OR51B5: variants seen among roughly 807,000 people sequenced by gnomAD.
OR51B5 encodes the protein olfactory receptor family 51 subfamily B member 5.
For synonymous variants in OR51B5, 186 were observed against 144.8 expected (o/e 1.28, Z -2.04); for missense variants, 456 against 374.6 (o/e 1.22, Z -1.79).
At position 5,352,873 on chromosome 11, in the gene OR51B5, G is replaced by A. The variant is rs991210831; in HGVS notation, n.85-5963C>T. On this transcript the variant is annotated intron_variant and non_coding_transcript_variant, in intron 1 of 4. Coordinates refer to the OR51B5 transcript ENST00000415970. ...TATAATAGTGTGTGTATGTATCTGT[G>A]TGTGTTTATATATATTATATAAATA... is the stretch of plus-strand genomic sequence containing the variant. 9.0e-4 allele frequency among the ~76,000 whole-genome samples: 102 copies of A among 113,096 alleles called. 1 individual carries two copies. The highest frequency in any genetic ancestry group is 4.9e-3 in the Middle Eastern group (1 of 204). 74.2% of individuals were successfully genotyped at this position (113,096 alleles called of 152,430 possible).
intron 1 of OR51B5, chr11:5,469,466 T>C (rs1259197658): frequency 6.6e-6 from 1 of 152,110 alleles, no homozygotes; most frequent in Non-Finnish European, 1.5e-5. Flanking sequence ...CCTGGGTGAA[T>C]TGAGGTGAGA....
At chr11:5,490,920 A>C (rs1851571951) in intron 1 of OR51B5, among the ~76,000 whole-genome samples, 1 of 152,248 alleles carries the variant, frequency 6.6e-6, no homozygotes, top group African/African-American at 2.4e-5. Context: ...TTTTAAATTT[A>C]TAAAGGTATG....
chr11:5,417,379 G>T (rs746406298), intron 1 of OR51B5, among the ~76,000 whole-genome samples: 10 of 151,986 alleles, frequency 6.6e-5, no homozygotes, highest in East Asian at 1.9e-4. Flanking sequence ...AAGGACTTCA[G>T]GTCTAAAACA....
intron 1 of OR51B5, among the ~76,000 whole-genome samples, chr11:5,447,899 A>G (rs1850792037): frequency 6.6e-6 from 1 of 151,832 alleles, no homozygotes; most frequent in Admixed American, 6.6e-5. Context: ...TCTCCCCTCA[A>G]CCCCCATCTC....
chr11:5,437,301 C>A (rs1399143789), intron 1 of OR51B5, among the ~76,000 whole-genome samples: 1 of 152,162 alleles, frequency 6.6e-6, no homozygotes, highest in Admixed American at 6.5e-5. Context: ...AAACTCAGAT[C>A]TCAGGCAAAA....
At chr11:5,389,297 G>C (rs959186970) in intron 1 of OR51B5, 56 of 1,111,888 alleles carry the variant, frequency 5.0e-5, no homozygotes, top group Middle Eastern at 4.1e-4. Context: ...AATACTAAAG[G>C]TGATGATGAC....
chr11:5,364,487 G>C (rs1456663683), intron 1 of OR51B5, among the ~76,000 whole-genome samples: 1 of 152,226 alleles, frequency 6.6e-6, no homozygotes, highest in Non-Finnish European at 1.5e-5. Flanking sequence ...TCAATGGTCA[G>C]TCTCCTTGCT....
intron 1 of OR51B5, among the ~76,000 whole-genome samples, chr11:5,457,227 G>T (rs1352251827): frequency 6.6e-6 from 1 of 152,168 alleles, no homozygotes. Flanking sequence ...TGTGAAAAGA[G>T]GTGGTTTTGG....
chr11:5,485,515 C>T (rs1323160458), intron 1 of OR51B5, among the ~76,000 whole-genome samples: 1 of 152,150 alleles, frequency 6.6e-6, no homozygotes, highest in Non-Finnish European at 1.5e-5. Context: ...TGTGATTTCT[C>T]CCTTAAGGAT....
At chr11:5,417,836 C>T (rs1387269774) in intron 1 of OR51B5, among the ~76,000 whole-genome samples, 2 of 52,380 alleles carry the variant, frequency 3.8e-5, no homozygotes, top group Non-Finnish European at 1.1e-4. Context: ...GGATTGTAAA[C>T]TAGTTCAACC....
At chr11:5,438,494 T>C (rs1231120850) in intron 1 of OR51B5, among the ~76,000 whole-genome samples, 6 of 152,176 alleles carry the variant, frequency 3.9e-5, no homozygotes, top group Admixed American at 6.5e-5. Flanking sequence ...ATTTAAATAG[T>C]TGTTTGGTTA....
chr11:5,408,207 C>A (rs1379409204), intron 1 of OR51B5, among the ~76,000 whole-genome samples: 1 of 152,098 alleles, frequency 6.6e-6, no homozygotes, highest in African/African-American at 2.4e-5. Flanking sequence ...GATTATTACT[C>A]TTCCTTGCTC....
intron 1 of OR51B5, chr11:5,455,595 GAGAAAA>G (rs1339555676): frequency 8.9e-6 from 1 of 112,606 alleles, no homozygotes; most frequent in African/African-American, 3.1e-5. Flanking sequence ...AAGAGAGAAA[GAGAAAA>G]AGAGAAAGAG....
chr11:5,363,455 ACACTCTCT>A (rs1158767823), intron 1 of OR51B5, among the ~76,000 whole-genome samples: 1 of 125,232 alleles, frequency 8.0e-6, no homozygotes, highest in African/African-American at 3.0e-5. Flanking sequence ...ACATACACAC[ACACTCTCT>A]CTCTCACACA....
chr11:5,439,870 T>C (rs1276444529), intron 1 of OR51B5, among the ~76,000 whole-genome samples: 1 of 152,164 alleles, frequency 6.6e-6, no homozygotes, highest in Admixed American at 6.5e-5. Context: ...AGGACTTATG[T>C]GGGGCCTAAG....
chr11:5,470,385 C>T (rs1851210106), intron 1 of OR51B5, among the ~76,000 whole-genome samples: 1 of 152,166 alleles, frequency 6.6e-6, no homozygotes, highest in Admixed American at 6.6e-5. Context: ...TAATTGCCCC[C>T]TCATTTCTTC....
chr11:5,381,149 C>T (rs954992260), intron 1 of OR51B5, among the ~76,000 whole-genome samples: 12 of 90,692 alleles, frequency 1.3e-4, no homozygotes, highest in Non-Finnish European at 2.5e-4. Flanking sequence ...CTCTGTCGCT[C>T]GCTCGCTGTT....
upstream of OR51B5, among the ~76,000 whole-genome samples, chr11:5,346,723 T>C (rs570719193): frequency 6.8e-6 from 1 of 147,466 alleles, no homozygotes; most frequent in South Asian, 2.2e-4. Context: ...CTGTGGACTA[T>C]TGAGATCCTT....
At position 5,378,576 on chromosome 11, in the gene OR51B5, A is replaced by C. The variant is rs61892010; in HGVS notation, n.85-31666T>G. 5.2e-3 allele frequency among the ~76,000 whole-genome samples: 791 copies of C among 152,342 alleles called. 2 individuals are homozygous for C. Among genetic ancestry groups the C allele is most frequent in the Non-Finnish European group, 8.2e-3 (556 of 68,028 alleles). Reference sequence around the variant, plus strand: ...CAACCTACTCATCTGACAAAGGGCTAATATCCAGAATCTATAATGAACTCA... The same window carrying C: ...CAACCTACTCATCTGACAAAGGGCTCATATCCAGAATCTATAATGAACTCA... On this transcript the variant is annotated intron_variant and non_coding_transcript_variant, in intron 1 of 4. Transcript: ENST00000415970.
Sources: gnomAD v4.1 joint callset for allele counts (sites outside exome capture counted in the v4.1 genomes callset) on GRCh38, gnomAD v4.1.1 for gene constraint, MANE v1.5 for transcripts, NCBI Gene and HGNC (gene_info 2026-07-23, HGNC 2026-07-21) for gene names.